The following GRIA4 variants were observed in gnomAD, a reference collection of about 807,000 sequenced individuals.
GRIA4 encodes the protein glutamate receptor 4.
GRIA4 carries 34 observed loss-of-function variants against 104.0 expected under a neutral mutation model. That is an observed-to-expected ratio of 0.33 (90% CI 0.25 to 0.44). GRIA4 has a LOEUF of 0.44. GRIA4 is among the 20% of genes least tolerant of loss of function. GRIA4 has a pLI of 1.00. For missense variants in GRIA4, 750 were observed against 1,096.5 expected, an observed-to-expected ratio of 0.68 and a Z score of 4.46; for synonymous variants, 386 against 381.9, an observed-to-expected ratio of 1.01 and a Z score of -0.13.
chr11:105,778,063 T>C (rs1360813140), intron 4 of GRIA4, among the ~76,000 whole-genome samples: 2 of 152,168 alleles, frequency 1.3e-5, no homozygotes, highest in African/African-American at 4.8e-5. Context: ...CAGATACTGA[T>C]TTAAATACTG....
intron 5 of GRIA4, among the ~76,000 whole-genome samples, chr11:105,864,977 T>C (rs58713525): frequency 6.6e-6 from 1 of 152,198 alleles, no homozygotes; most frequent in African/African-American, 2.4e-5. Flanking sequence ...AAAAACATAA[T>C]AGAAATAGTT....
intron 13 of GRIA4, among the ~76,000 whole-genome samples, chr11:105,927,971 T>C (rs1947763424): frequency 2.0e-5 from 3 of 152,028 alleles, no homozygotes; most frequent in African/African-American, 2.4e-5. Flanking sequence ...TAGTAATAGC[T>C]CTTTGTTCGT....
At chr11:105,975,033 G>T (rs775245031) in intron 16 of GRIA4, 2 of 155,468 alleles carry the variant, frequency 1.3e-5, no homozygotes, top group African/African-American at 2.4e-5. Context: ...AAGGTACAGA[G>T]TATGTGCTCA....
At chr11:105,830,255 A>G (rs1306039271) in intron 4 of GRIA4, among the ~76,000 whole-genome samples, 1 of 152,010 alleles carries the variant, frequency 6.6e-6, no homozygotes, top group Non-Finnish European at 1.5e-5. Context: ...TAAAATAGGA[A>G]CCATGGACAG....
chr11:105,855,955 A>C (rs1944994008), intron 4 of GRIA4, among the ~76,000 whole-genome samples: 1 of 152,140 alleles, frequency 6.6e-6, no homozygotes, highest in Non-Finnish European at 1.5e-5. Context: ...AAGGTCAAAA[A>C]AACCCTAAGA....
intron 4 of GRIA4, among the ~76,000 whole-genome samples, chr11:105,826,901 C>A (rs1438358125): frequency 6.6e-6 from 1 of 152,060 alleles, no homozygotes; most frequent in East Asian, 1.9e-4. Context: ...TCAGCAACCA[C>A]CACCCCAGTT....
chr11:105,634,392 G>GAAGGAAGGAAGGAGA (rs1371083331), intron 3 of GRIA4, among the ~76,000 whole-genome samples: 3 of 146,094 alleles, frequency 2.1e-5, no homozygotes, highest in Non-Finnish European at 3.0e-5. Flanking sequence ...AGGAAAGAAG[G>GAAGGAAGGAAGGAGA]AAGGAAGGAA....
chr11:105,960,657 G>T (rs535147561), intron 14 of GRIA4, among the ~76,000 whole-genome samples: 1 of 152,354 alleles, frequency 6.6e-6, no homozygotes, highest in East Asian at 1.9e-4. Context: ...GGTGCTGGTT[G>T]CCCCTCCCCC....
intron 5 of GRIA4, among the ~76,000 whole-genome samples, chr11:105,885,595 G>C (rs1195010258): frequency 6.6e-6 from 1 of 152,188 alleles, no homozygotes. Context: ...TTTGGGTTCA[G>C]TCAAGTCAAT....
chr11:105,687,468 GAGGAAGAGACC>G, intron 3 of GRIA4, among the ~76,000 whole-genome samples: 1 of 152,324 alleles, frequency 6.6e-6, no homozygotes, highest in African/African-American at 2.4e-5. Context: ...GGCTTCTCCT[GAGGAAGAGACC>G]AGGAAGATTC....
chr11:105,888,395 T>C (rs903962663), intron 6 of GRIA4, among the ~76,000 whole-genome samples: 10 of 142,336 alleles, frequency 7.0e-5, no homozygotes, highest in Non-Finnish European at 1.2e-4. Context: ...GCCATTCTCC[T>C]GCCTCAGCCT....
intron 3 of GRIA4, among the ~76,000 whole-genome samples, chr11:105,718,786 C>T (rs1954192674): frequency 6.6e-6 from 1 of 152,128 alleles, no homozygotes; most frequent in South Asian, 2.1e-4. Context: ...ATTTTCCATT[C>T]CACTGCTCCC....
chr11:105,678,802 A>C (rs911911593), intron 3 of GRIA4, among the ~76,000 whole-genome samples: 1 of 152,122 alleles, frequency 6.6e-6, no homozygotes, highest in Non-Finnish European at 1.5e-5. Context: ...AAAGTATATT[A>C]TTTGCAGAAA....
At chr11:105,884,380 A>G (rs1046948403) in intron 5 of GRIA4, among the ~76,000 whole-genome samples, 1 of 152,252 alleles carries the variant, frequency 6.6e-6, no homozygotes, top group Non-Finnish European at 1.5e-5. Context: ...TGTTGAGATG[A>G]TGAAAGCCAT....
intron 9 of GRIA4, among the ~76,000 whole-genome samples, chr11:105,908,026 T>C (rs2136156341): frequency 6.6e-6 from 1 of 152,128 alleles, no homozygotes; most frequent in East Asian, 1.9e-4. Flanking sequence ...GGTGTGGGAA[T>C]TAGGTCAGAT....
At chr11:105,625,401 T>C (rs982564540) in intron 3 of GRIA4, among the ~76,000 whole-genome samples, 2 of 152,068 alleles carry the variant, frequency 1.3e-5, no homozygotes, top group African/African-American at 4.8e-5. Context: ...ATCTGGTTAA[T>C]TTTCTTATGA....
At chr11:105,633,713 C>T (rs1170984958) in intron 3 of GRIA4, among the ~76,000 whole-genome samples, 9 of 152,126 alleles carry the variant, frequency 5.9e-5, no homozygotes, top group Non-Finnish European at 1.2e-4. Flanking sequence ...TTCTTAAGAC[C>T]TGTATTTCAG....
chr11:105,866,551 G>GTGTGTGTGTATATATATATATATA (rs1299256765), intron 5 of GRIA4, among the ~76,000 whole-genome samples: 1 of 76,752 alleles, frequency 1.3e-5, no homozygotes, highest in African/African-American at 6.5e-5. Context: ...GTGTGTGTGT[G>GTGTGTGTGTATATATATATATATA]TATATATATA....
At chr11:105,974,559 T>C in intron 16 of GRIA4, 115 bp downstream of exon 16, 1 of 1,612,762 alleles carries the variant, frequency 6.2e-7, no homozygotes, top group Non-Finnish European at 8.5e-7. Flanking sequence ...AATTTAGGGG[T>C]AGGACTTAGG....
Sources: gnomAD v4.1 joint callset for allele counts (sites outside exome capture counted in the v4.1 genomes callset) on GRCh38, gnomAD v4.1.1 for gene constraint, MANE v1.5 for transcripts, NCBI Gene and HGNC (gene_info 2026-07-23, HGNC 2026-07-21) for gene names.